Variants in DUSP4 observed in about 807,000 individuals in gnomAD.
DUSP4 encodes dual specificity protein phosphatase 4.
A neutral mutation model predicts 27.2 loss-of-function variants in DUSP4; 12 were observed. The observed-to-expected ratio is 0.44, with a 90% CI of 0.28 to 0.71. The LOEUF is 0.71. Ranked by LOEUF, DUSP4 falls within the 30% of genes least tolerant of loss-of-function variation. The pLI, the probability that DUSP4 is intolerant of heterozygous loss-of-function variation, is 0.14. For synonymous variants in DUSP4, 257 were observed against 245.2 expected (o/e 1.05, Z -0.45); for missense variants, 448 against 551.3 (o/e 0.81, Z 1.88).
chr8:29,342,755 AT>A (rs1362576152), intron 1 of DUSP4, among the ~76,000 whole-genome samples: 1 of 152,240 alleles, frequency 6.6e-6, no homozygotes, highest in African/African-American at 2.4e-5. Flanking sequence ...TGAGAGGGCC[AT>A]TCGTCATCTC....
intron 1 of DUSP4, among the ~76,000 whole-genome samples, chr8:29,347,195 G>C (rs1477946862): frequency 2.0e-5 from 3 of 152,160 alleles, no homozygotes; most frequent in African/African-American, 4.8e-5. Flanking sequence ...CCCCTCCCGG[G>C]AAACCACATT....
intron 1 of DUSP4, among the ~76,000 whole-genome samples, chr8:29,346,343 A>C (rs774656753): frequency 1.3e-5 from 2 of 152,236 alleles, no homozygotes; most frequent in Non-Finnish European, 2.9e-5. Flanking sequence ...GGCTGAGGGA[A>C]GTTTTAGGTA....
intron 1 of DUSP4, among the ~76,000 whole-genome samples, chr8:29,343,492 T>C (rs1587049344): frequency 6.6e-6 from 1 of 152,220 alleles, no homozygotes; most frequent in Non-Finnish European, 1.5e-5. Context: ...CATGCCCCAG[T>C]AAGTCATCTC....
chr8:29,337,318 T>A lies in DUSP4; in HGVS notation c.893A>T (p.Lys298Met). 1 of 1,612,900 alleles carries A rather than the reference T, an allele frequency of 6.2e-7. No individual in the cohort carries two copies. Among genetic ancestry groups the A allele is most frequent in the South Asian group, 1.1e-5 (1 of 91,082 alleles). The change falls in exon 4 of 4, where the codon AAG becomes ATG. Residue 298 changes from lysine (K) to methionine (M), a missense_variant. Physicochemically the swap from Lys to Met is moderately conservative, Grantham distance 95. Transcript: ENST00000240100. The surrounding 1 kb of genome is among the most constrained non-coding windows in gnomAD (Gnocchi z 6.4). ...ATICLAYLMMKKRVRLEEAFE... is the reference protein window; with the variant it reads ...ATICLAYLMMMKRVRLEEAFE... ...GGCCTCCTCCAGCCTCACCCGTTTC[T>A]TCATCATCAGGTAGGCCAGGCAGAT... is the stretch of plus-strand genomic sequence containing the variant.
At chr8:29,340,919 G>A (rs1270704366) in intron 1 of DUSP4, among the ~76,000 whole-genome samples, 1 of 152,152 alleles carries the variant, frequency 6.6e-6, no homozygotes, top group Non-Finnish European at 1.5e-5. Flanking sequence ...CCAGAGAAGG[G>A]AGATCTTTTA....
At position 29,337,500 on chromosome 8, in the gene DUSP4, T is replaced by A; in HGVS notation, c.800-89A>T. 6.7e-7 allele frequency: 1 copy of A among 1,498,036 alleles called. No homozygotes were observed. The highest frequency in any genetic ancestry group is 2.2e-5 in the Admixed American group (1 of 45,400). The allele number at this position is 1,498,036 out of a possible 1,614,324, so 92.8% of individuals were successfully genotyped here. A position where few individuals can be genotyped will look rare whatever the true frequency, so the allele number is the denominator to read the frequency against. ...CGGCCAGCCCCTGGGGTCGGGGGGC[T>A]CTGAAGGAAGGACTAGCCGTGCTAG... On this transcript the variant is annotated intron_variant, in intron 3 of 3. Transcript: ENST00000240100. This position sits in a 1 kb window ranked among gnomAD's most constrained non-coding sequence, Gnocchi z 6.4.
intron 1 of DUSP4, chr8:29,345,941 A>G (rs115203543): frequency 2.0e-6 from 2 of 987,990 alleles, no homozygotes; most frequent in Non-Finnish European, 2.4e-6. Flanking sequence ...AGAAACTACC[A>G]TATTTGCAAG....
intron 2 of DUSP4, 55 bp from the exon 3 acceptor site, chr8:29,338,556 C>G (rs1034349556): frequency 6.4e-7 from 1 of 1,557,018 alleles, no homozygotes; most frequent in Non-Finnish European, 8.7e-7. Context: ...AAGTGCTTGG[C>G]ACAGGGAGTG....
intron 1 of DUSP4, chr8:29,347,825 C>T (rs1259745393): frequency 6.1e-6 from 6 of 985,468 alleles, no homozygotes; most frequent in Non-Finnish European, 7.2e-6. Context: ...CTAGCCTCGC[C>T]CAGAATCTCC....
In DUSP4 at chr8:29,350,257, G is replaced by C. The variant is rs1587055392; in HGVS notation, c.22C>G (p.Arg8Gly). ...TTGAGCACACTGCAGTCCATCTCCC[G>C]CAGCTCCTCCATCGTCACCATGGTC... Reference protein sequence around the residue: MVTMEELREMDCSVLKRL... With the variant: MVTMEELGEMDCSVLKRL... The change falls in exon 1 of 4, where the codon CGG (arginine) becomes GGG (glycine). Residue 8 changes from arginine (R) to glycine (G), a missense_variant. Physicochemically the swap from Arg to Gly is moderately radical, Grantham distance 125. This residue lies in a region of DUSP4 where 345 missense variants were observed against 394.0 expected (regional missense o/e 0.88). Transcript: ENST00000240100. 6.3e-7 allele frequency: 1 copy of C among 1,590,138 alleles called. No individual in the cohort carries two copies.
At position 29,337,489 on chromosome 8, in the gene DUSP4, G is replaced by T; in HGVS notation, c.800-78C>A. The T allele has an allele frequency of 1.3e-6, 2 of 1,507,174 alleles. No homozygotes were observed. The highest frequency in any genetic ancestry group is 1.4e-5 in the African/African-American group (1 of 71,992). 93.4% of individuals were successfully genotyped at this position (1,507,174 alleles called of 1,614,324 possible). On this transcript the variant is annotated intron_variant, in intron 3 of 3. Transcript: ENST00000240100. The surrounding 1 kb of genome is among the most constrained non-coding windows in gnomAD (Gnocchi z 6.4). ...ACCAGGGGCACCGGCCAGCCCCTGG[G>T]GTCGGGGGGCTCTGAAGGAAGGACT... is the stretch of plus-strand genomic sequence containing the variant.
chr8:29,348,728 AG>A lies in DUSP4; in HGVS notation c.433+1117del, dbSNP rs1319959444. On this transcript the variant is annotated intron_variant, in intron 1 of 3. Coordinates refer to ENST00000240100, the MANE Select transcript of DUSP4 (RefSeq NM_001394.7). ...AGGTCGGAAGAGGAGCGGAAAGGAA[AG>A]GAAGGGAGGGAGGCGGCGAAGGCGC... 22 of 985,252 alleles carry A rather than the reference AG, an allele frequency of 2.2e-5. No homozygotes were observed. In the African/African-American group the frequency reaches 3.7e-4, roughly 16 times the overall value. The allele number at this position is 985,252 out of a possible 1,614,324, so 61.0% of individuals were successfully genotyped here.
chr8:29,348,206 G>C (rs1327115877), intron 1 of DUSP4: 2 of 985,528 alleles, frequency 2.0e-6, no homozygotes, highest in Non-Finnish European at 2.4e-6. Context: ...GGGACTCGAG[G>C]GCAGCGCCGT....
chr8:29,344,832 T>C (rs1817704621), intron 1 of DUSP4, among the ~76,000 whole-genome samples: 1 of 135,282 alleles, frequency 7.4e-6, no homozygotes, highest in Non-Finnish European at 1.6e-5. Flanking sequence ...GTCATGGATC[T>C]TTTTTTTTTT....
chr8:29,348,639 T>C, intron 1 of DUSP4: 1 of 985,398 alleles, frequency 1.0e-6, no homozygotes, highest in Non-Finnish European at 1.2e-6. Context: ...TGAACAGTTT[T>C]GTTGTGCTTT....
chr8:29,340,388 C>G, intron 1 of DUSP4, 145 bp from the exon 2 acceptor site: 1 of 1,035,482 alleles, frequency 9.7e-7, no homozygotes, highest in Non-Finnish European at 1.4e-6. Context: ...GCGCTGTGGA[C>G]CTAGAGAATG....
Position 29,335,304 on chromosome 8 carries a change from CCGA to C in DUSP4, c.*1719_*1721del, listed in dbSNP as rs1229041335. ...AAGGATTCAAAATGGCACCCACGTG[CCGA>C]CGATAGATTCAAAATGGCGCCTGCG... On this transcript the variant is annotated 3_prime_UTR_variant, in exon 4 of 4. Transcript: ENST00000240100. The C allele has an allele frequency of 6.6e-6, 1 of 151,834 alleles. No individual in the cohort carries two copies. The highest frequency in any genetic ancestry group is 2.4e-5 in the African/African-American group (1 of 41,364). 9.4% of individuals were successfully genotyped at this position (151,834 alleles called of 1,614,324 possible).
At chr8:29,340,858 C>T (rs1365254962) in intron 1 of DUSP4, among the ~76,000 whole-genome samples, 2 of 152,102 alleles carry the variant, frequency 1.3e-5, no homozygotes, top group African/African-American at 2.4e-5. Context: ...GGGAGTATTT[C>T]CTGACCTGAG....
Position 29,336,949 on chromosome 8 carries a change from C to A in DUSP4, c.*77G>T. On this transcript the variant is annotated 3_prime_UTR_variant, in exon 4 of 4. Transcript: ENST00000240100. The stretch of plus-strand genomic sequence containing the variant: ...GGTCGCCTGCTCCCAGCTGCTCAGT[C>A]CCAACTTTCTGCCCGCATGCGGCCC... 1 of 1,456,322 alleles carries A rather than the reference C, an allele frequency of 6.9e-7. No individual in the cohort carries two copies. Among genetic ancestry groups the A allele is most frequent in the South Asian group, 1.5e-5 (1 of 68,658 alleles). The allele number at this position is 1,456,322 out of a possible 1,614,324, so 90.2% of individuals were successfully genotyped here.
Sources: gnomAD v4.1 joint callset for allele counts (sites outside exome capture counted in the v4.1 genomes callset) on GRCh38, gnomAD v4.1.1 for gene constraint, gnomAD v4.1.1 regional missense constraint, Gnocchi (gnomAD v3.1) non-coding constraint, MANE v1.5 for transcripts, NCBI Gene and HGNC (gene_info 2026-07-23, HGNC 2026-07-21) for gene names.